Variants in ANXA4 observed in about 807,000 individuals in gnomAD.
The protein encoded by ANXA4 is 35-beta calcimedin.
ANXA4 carries 39 observed loss-of-function variants against 49.8 expected under a neutral mutation model. That is an observed-to-expected ratio of 0.78 (90% CI 0.61 to 1.02). ANXA4 has a LOEUF of 1.02. Among genes scored for constraint, ANXA4 ranks in the 50% least tolerant of loss-of-function variants. The pLI, the probability that ANXA4 is intolerant of heterozygous loss-of-function variation, is 0.00. For synonymous variants in ANXA4, 134 were observed against 152.5 expected, an observed-to-expected ratio of 0.88 and a Z score of 0.89; for missense variants, 360 against 410.1, an observed-to-expected ratio of 0.88 and a Z score of 1.05.
At chr2:69,670,441 A>C (rs1350018194) in intron 2 of ANXA4, among the ~76,000 whole-genome samples, 1 of 150,128 alleles carries the variant, frequency 6.7e-6, no homozygotes, top group Non-Finnish European at 1.5e-5. Flanking sequence ...TCAATCTCAA[A>C]AAAAAAAAAA....
chr2:69,785,835 C>T (rs1220959656), intron 2 of ANXA4, among the ~76,000 whole-genome samples: 1 of 152,164 alleles, frequency 6.6e-6, no homozygotes, highest in Non-Finnish European at 1.5e-5. Context: ...GTGCTCGATC[C>T]TGGATTTCCT....
intron 3 of ANXA4, among the ~76,000 whole-genome samples, chr2:69,793,470 G>T (rs1672787505): frequency 6.6e-6 from 1 of 151,758 alleles, no homozygotes; most frequent in Non-Finnish European, 1.5e-5. Context: ...TTTTTCTTAG[G>T]CCAATTAATT....
chr2:69,687,012 G>C (rs1017776132), intron 2 of ANXA4, among the ~76,000 whole-genome samples: 7 of 152,232 alleles, frequency 4.6e-5, no homozygotes, highest in African/African-American at 9.6e-5. Context: ...GAGAACCAAA[G>C]TCACGAGTGT....
rs1364465063 is a variant in ANXA4 at position 69,759,842 on chromosome 2, C to CT, written c.-47+17675dup. On this transcript the variant is annotated intron_variant, in intron 1 of 12. Transcript: ENST00000394295. ...AAAGACAATTAGTATTTTGTTTTAT[C>CT]TTTTTTTTGAGACGGAGTCTGGCTC... is the stretch of plus-strand genomic sequence containing the variant. 9.2e-5 allele frequency among the ~76,000 whole-genome samples: 14 copies of CT among 151,882 alleles called. No homozygotes were observed. In the East Asian group the frequency reaches 1.9e-3, roughly 21 times the overall value.
intron 2 of ANXA4, among the ~76,000 whole-genome samples, chr2:69,680,635 G>A (rs1353644563): frequency 6.6e-6 from 1 of 152,072 alleles, no homozygotes; most frequent in African/African-American, 2.4e-5. Flanking sequence ...TGTTAGCTGT[G>A]GGTTTGTCCT....
At chr2:69,659,792 G>T (rs1406070252) in intron 2 of ANXA4, among the ~76,000 whole-genome samples, 1 of 152,182 alleles carries the variant, frequency 6.6e-6, no homozygotes, top group Non-Finnish European at 1.5e-5. Flanking sequence ...ATGTGAGTTT[G>T]CAGGTGACAG....
intron 1 of ANXA4, among the ~76,000 whole-genome samples, chr2:69,745,751 G>A (rs916757443): frequency 6.6e-6 from 1 of 151,952 alleles, no homozygotes; most frequent in Non-Finnish European, 1.5e-5. Context: ...GGCTGGTCTC[G>A]AACTCCTGAC....
intron 2 of ANXA4, among the ~76,000 whole-genome samples, chr2:69,708,380 G>T (rs1400352136): frequency 6.6e-6 from 1 of 152,180 alleles, no homozygotes; most frequent in Non-Finnish European, 1.5e-5. Context: ...TCGGTCAGTG[G>T]TCCGTAACAG....
chr2:69,671,363 A>G (rs1002542461), intron 2 of ANXA4, among the ~76,000 whole-genome samples: 31 of 152,338 alleles, frequency 2.0e-4, no homozygotes, highest in African/African-American at 7.2e-4. Flanking sequence ...CTGTGAATCA[A>G]TAAGAAACAA....
intron 1 of ANXA4, among the ~76,000 whole-genome samples, chr2:69,771,519 T>C (rs182885872): frequency 1.3e-5 from 2 of 152,340 alleles, no homozygotes; most frequent in African/African-American, 4.8e-5. Flanking sequence ...AGTCTAATGC[T>C]TAGGGAAGTA....
chr2:69,747,391 C>T (rs142213088), intron 1 of ANXA4, among the ~76,000 whole-genome samples: 1 of 152,236 alleles, frequency 6.6e-6, no homozygotes, highest in East Asian at 1.9e-4. Flanking sequence ...CTCTCTTACT[C>T]CTCTACAGGG....
At chr2:69,809,312 G>C (rs1673594788) in intron 6 of ANXA4, 1 of 152,174 alleles carries the variant, frequency 6.6e-6, no homozygotes, top group Non-Finnish European at 1.5e-5. Context: ...GTTCAGAGCA[G>C]GAGATTCTAA....
intron 6 of ANXA4, chr2:69,809,398 G>A (rs1673598006): frequency 6.6e-6 from 1 of 152,172 alleles, no homozygotes; most frequent in Non-Finnish European, 1.5e-5. Context: ...GGGCTGTGAA[G>A]GGCTGGAGCT....
At chr2:69,782,423 T>C (rs2103669279) in intron 2 of ANXA4, among the ~76,000 whole-genome samples, 2 of 152,366 alleles carry the variant, frequency 1.3e-5, no homozygotes, top group Middle Eastern at 6.8e-3. Flanking sequence ...CAAAGGCTTA[T>C]TCATGTGTGC....
intron 1 of ANXA4, among the ~76,000 whole-genome samples, chr2:69,767,243 C>G (rs1384489047): frequency 6.6e-6 from 1 of 152,204 alleles, no homozygotes; most frequent in Admixed American, 6.5e-5. Flanking sequence ...ATTCCTTTCT[C>G]TACTGGTATA....
intron 2 of ANXA4, among the ~76,000 whole-genome samples, chr2:69,716,441 G>A (rs1669629137): frequency 6.6e-6 from 1 of 152,150 alleles, no homozygotes; most frequent in South Asian, 2.1e-4. Flanking sequence ...CTGCACTCGA[G>A]GAACTGCGAG....
intron 1 of ANXA4, among the ~76,000 whole-genome samples, chr2:69,746,088 T>G (rs974583384): frequency 2.0e-5 from 3 of 152,142 alleles, no homozygotes; most frequent in Non-Finnish European, 2.9e-5. Flanking sequence ...CTTGGCTCAC[T>G]GCAACCTCTG....
At chr2:69,732,433 C>A (rs1670130576) in intron 3 of ANXA4, among the ~76,000 whole-genome samples, 1 of 151,838 alleles carries the variant, frequency 6.6e-6, no homozygotes, top group African/African-American at 2.4e-5. Flanking sequence ...ATACCTCTTC[C>A]CAAACAGCAG....
chr2:69,732,230 G>T (rs1018347209), intron 3 of ANXA4, among the ~76,000 whole-genome samples: 24 of 151,376 alleles, frequency 1.6e-4, no homozygotes, highest in Non-Finnish European at 2.4e-4. Context: ...GGCCGCCTCG[G>T]CCTCCCAAAG....
Sources: gnomAD v4.1 joint callset for allele counts (sites outside exome capture counted in the v4.1 genomes callset) on GRCh38, gnomAD v4.1.1 for gene constraint, MANE v1.5 for transcripts, NCBI Gene and HGNC (gene_info 2026-07-23, HGNC 2026-07-21) for gene names.